FMN2: variants seen among roughly 807,000 people sequenced by gnomAD.
The protein encoded by FMN2 is formin 2.
FMN2 carries 51 observed loss-of-function variants against 142.3 expected under a neutral mutation model. The ratio of observed to expected loss-of-function variants is 0.36; its 90% CI spans 0.29 to 0.45. FMN2 has a LOEUF of 0.45. Among genes scored for constraint, FMN2 ranks in the 20% least tolerant of loss-of-function variants. The probability of loss-of-function intolerance (pLI) is 1.00; values close to 1 mark genes in which losing one functional copy is unlikely to be tolerated. For synonymous variants in FMN2, 882 were observed against 869.8 expected, an observed-to-expected ratio of 1.01 and a Z score of -0.25; for missense variants, 1,936 against 2,122.8, an observed-to-expected ratio of 0.91 and a Z score of 1.73.
At chr1:240,212,167 A>G (rs1399880363) in intron 6 of FMN2, among the ~76,000 whole-genome samples, 1 of 152,190 alleles carries the variant, frequency 6.6e-6, no homozygotes, top group Non-Finnish European at 1.5e-5. Flanking sequence ...GATTCCTCGA[A>G]TTTGTGCCTC....
At chr1:240,249,228 T>C (rs1668193792) in intron 6 of FMN2, among the ~76,000 whole-genome samples, 1 of 152,174 alleles carries the variant, frequency 6.6e-6, no homozygotes, top group East Asian at 1.9e-4. Flanking sequence ...ATTTATAGTT[T>C]CGAGTCTTGC....
Position 240,092,633 on chromosome 1 carries a change from C to T in FMN2, c.524C>T (p.Thr175Ile). The change falls in exon 1 of 18, where the codon ACC becomes ATC. Residue 175 changes from threonine (T) to isoleucine (I), a missense_variant. Transcript: ENST00000319653. ...TAAGAQDGQR[T>I]SSGSDTDIYS... is the part of the protein sequence containing the mutation. Reference sequence around the variant, plus strand: ...GCAGGGGCGCAGGATGGACAAAGGACCAGCTCGGGCTCGGACACGGACATC... The same window carrying T: ...GCAGGGGCGCAGGATGGACAAAGGATCAGCTCGGGCTCGGACACGGACATC... 6.2e-7 allele frequency: 1 copy of T among 1,614,076 alleles called. No homozygotes were observed.
intron 4 of FMN2, among the ~76,000 whole-genome samples, chr1:240,191,860 T>C (rs2103354302): frequency 6.6e-6 from 1 of 152,328 alleles, no homozygotes; most frequent in Middle Eastern, 3.4e-3. Context: ...CATTTTGATT[T>C]TTAAAAACTC....
chr1:240,145,366 C>T (rs1269587868), intron 2 of FMN2: 2 of 609,916 alleles, frequency 3.3e-6, no homozygotes, highest in African/African-American at 1.8e-5. Context: ...CCCATCCTCC[C>T]TCCTCCATCT....
chr1:240,255,917 A>G (rs2102893935), intron 6 of FMN2, among the ~76,000 whole-genome samples: 1 of 152,316 alleles, frequency 6.6e-6, no homozygotes, highest in East Asian at 1.9e-4. Context: ...GATATAGAGA[A>G]CAGAACTCTA....
chr1:240,223,744 T>C (rs1667202291), intron 6 of FMN2, among the ~76,000 whole-genome samples: 1 of 152,236 alleles, frequency 6.6e-6, no homozygotes, highest in Admixed American at 6.5e-5. Context: ...TTTATCCATT[T>C]CTTCTAGATT....
intron 15 of FMN2, among the ~76,000 whole-genome samples, chr1:240,405,850 C>T (rs965536662): frequency 6.6e-6 from 1 of 152,268 alleles, no homozygotes; most frequent in Admixed American, 6.5e-5. Context: ...CAGAAATCAG[C>T]TTTAGAAGAT....
intron 8 of FMN2, among the ~76,000 whole-genome samples, chr1:240,314,017 A>G (rs189335524): frequency 2.4e-4 from 37 of 152,292 alleles, no homozygotes; most frequent in African/African-American, 8.7e-4. Flanking sequence ...AAAATATTTA[A>G]CGTGTACATT....
At chr1:240,426,925 G>T (rs1293095341) in intron 15 of FMN2, among the ~76,000 whole-genome samples, 1 of 151,788 alleles carries the variant, frequency 6.6e-6, no homozygotes, top group Non-Finnish European at 1.5e-5. Flanking sequence ...TTTTAGTAGA[G>T]ATGGGGTTTC....
chr1:240,404,797 A>C (rs1674094587), intron 15 of FMN2, among the ~76,000 whole-genome samples: 1 of 152,222 alleles, frequency 6.6e-6, no homozygotes, highest in African/African-American at 2.4e-5. Flanking sequence ...CTGGCCTTGG[A>C]AAGTTATACA....
At chr1:240,097,824 A>C (rs754646565) in intron 1 of FMN2, among the ~76,000 whole-genome samples, 48 of 152,264 alleles carry the variant, frequency 3.2e-4, no homozygotes, top group South Asian at 1.0e-3. Flanking sequence ...TGTAATCCTT[A>C]ACAACAGTCT....
intron 1 of FMN2, among the ~76,000 whole-genome samples, chr1:240,122,419 G>T (rs1662319921): frequency 6.6e-6 from 1 of 152,034 alleles, no homozygotes; most frequent in African/African-American, 2.4e-5. Context: ...AAGTAACTGG[G>T]ATTAAGGAGC....
intron 2 of FMN2, chr1:240,170,150 G>A (rs533892577): frequency 6.3e-5 from 49 of 779,898 alleles, no homozygotes; most frequent in African/African-American, 1.7e-4. Context: ...CATCCCTGGC[G>A]CCGACCAGAA....
At chr1:240,354,194 A>G (rs990412595) in intron 13 of FMN2, among the ~76,000 whole-genome samples, 4 of 152,024 alleles carry the variant, frequency 2.6e-5, no homozygotes, top group Admixed American at 2.0e-4. Context: ...AAGACTGGAG[A>G]TGAGAAGCCA....
chr1:240,279,385 A>G (rs1356286009), intron 7 of FMN2, among the ~76,000 whole-genome samples: 1 of 152,320 alleles, frequency 6.6e-6, no homozygotes, highest in East Asian at 1.9e-4. Context: ...TACTTAAAGC[A>G]ATGAAGGAGG....
At chr1:240,271,098 G>GTTTTTTTTTTTTTTTTTTTTTCTTTTTTT (rs56686860) in intron 7 of FMN2, among the ~76,000 whole-genome samples, 1 of 72,244 alleles carries the variant, frequency 1.4e-5, no homozygotes, top group Non-Finnish European at 2.5e-5. Flanking sequence ...TTCCACGATG[G>GTTTTTTTTTTTTTTTTTTTTTCTTTTTTT]TTTTTTTTTT....
chr1:240,144,547 C>G, intron 2 of FMN2: 1 of 1,437,392 alleles, frequency 7.0e-7, no homozygotes. Flanking sequence ...TGTCTTCTAC[C>G]AGCTCCATGT....
chr1:240,404,656 T>C (rs1674090944), intron 15 of FMN2, among the ~76,000 whole-genome samples: 2 of 152,180 alleles, frequency 1.3e-5, no homozygotes, highest in African/African-American at 2.4e-5. Context: ...TTTCGGGCCG[T>C]GTGGTAAGTT....
rs16839674 is a variant in FMN2, at chr1:240,261,414, G to A, written c.4153+3382G>A. Among the ~76,000 whole-genome samples, 524 of 150,092 alleles carry A rather than the reference G, an allele frequency of 3.5e-3. 7 individuals are homozygous for A. Among genetic ancestry groups the A allele is most frequent in the African/African-American group, 0.012 (507 of 40,728 alleles). ...ATTGTGCTTTTTTTTTTTACCACCA[G>A]CATTGGTTTATCTAAAACAAAGTAT... On this transcript the variant is annotated intron_variant, in intron 7 of 17. Transcript: ENST00000319653.
Sources: gnomAD v4.1 joint callset for allele counts (sites outside exome capture counted in the v4.1 genomes callset) on GRCh38, gnomAD v4.1.1 for gene constraint, MANE v1.5 for transcripts, NCBI Gene and HGNC (gene_info 2026-07-23, HGNC 2026-07-21) for gene names.